Variants in MACROD2 observed in about 807,000 individuals in gnomAD.
MACROD2 encodes the protein mono-ADP ribosylhydrolase 2.
In MACROD2, 36 loss-of-function variants were observed where a neutral mutation model predicts 70.4. The observed-to-expected ratio is 0.51, with a 90% CI of 0.39 to 0.68. MACROD2 has a LOEUF of 0.68. Among genes scored for constraint, MACROD2 ranks in the 30% least tolerant of loss-of-function variants. The pLI is 0.00. For synonymous variants in MACROD2, 172 were observed against 178.8 expected, an observed-to-expected ratio of 0.96 and a Z score of 0.30; for missense variants, 496 against 538.4, an observed-to-expected ratio of 0.92 and a Z score of 0.78.
intron 3 of MACROD2, among the ~76,000 whole-genome samples, chr20:14,239,078 C>T (rs1026987462): frequency 3.0e-4 from 44 of 148,312 alleles, no homozygotes; most frequent in African/African-American, 8.4e-4. Flanking sequence ...TATACACCAG[C>T]AACATCCAAG....
intron 8 of MACROD2, among the ~76,000 whole-genome samples, chr20:15,794,487 T>A (rs780377334): frequency 3.9e-5 from 6 of 152,162 alleles, no homozygotes; most frequent in Non-Finnish European, 8.8e-5. Flanking sequence ...CAAAGCAAGC[T>A]GTAGTCAGGT....
chr20:14,307,566 A>C (rs979543363), intron 3 of MACROD2, among the ~76,000 whole-genome samples: 1 of 152,096 alleles, frequency 6.6e-6, no homozygotes, highest in Non-Finnish European at 1.5e-5. Context: ...GAGGTTAATA[A>C]GTTAATGTTT....
At chr20:15,147,396 A>G (rs948774581) in intron 5 of MACROD2, among the ~76,000 whole-genome samples, 2 of 151,456 alleles carry the variant, frequency 1.3e-5, no homozygotes, top group African/African-American at 4.9e-5. Flanking sequence ...CATAAAGGAA[A>G]GGAGAACTCT....
chr20:15,724,352 AG>A (rs1431983974), intron 8 of MACROD2, among the ~76,000 whole-genome samples: 1 of 152,196 alleles, frequency 6.6e-6, no homozygotes, highest in African/African-American at 2.4e-5. Flanking sequence ...GTCATACCCA[AG>A]GTCATCTATG....
chr20:15,940,042 G>C (rs6080033), intron 12 of MACROD2, among the ~76,000 whole-genome samples: 2,599 of 152,246 alleles, frequency 0.017, 45 homozygotes, highest in Non-Finnish European at 0.026. Flanking sequence ...GTGGTTTCTT[G>C]AGATGGAATC....
At chr20:14,026,815 A>G (rs542073248) in intron 2 of MACROD2, among the ~76,000 whole-genome samples, 18 of 152,162 alleles carry the variant, frequency 1.2e-4, no homozygotes, top group Non-Finnish European at 2.1e-4. Flanking sequence ...TCTGACAATT[A>G]TGTGTCTTGG....
At chr20:14,413,103 A>G (rs2122870841) in intron 3 of MACROD2, among the ~76,000 whole-genome samples, 1 of 151,838 alleles carries the variant, frequency 6.6e-6, no homozygotes, top group African/African-American at 2.4e-5. Flanking sequence ...CAGCTATACT[A>G]TTATTATTAT....
chr20:14,086,198 G>A (rs2054074831), intron 3 of MACROD2: 1 of 383,046 alleles, frequency 2.6e-6, no homozygotes, highest in Non-Finnish European at 5.2e-6. Context: ...TAGGGTTCCA[G>A]TTTTCATTTT....
At chr20:14,551,010 G>T (rs1978617018) in intron 4 of MACROD2, among the ~76,000 whole-genome samples, 1 of 151,920 alleles carries the variant, frequency 6.6e-6, no homozygotes, top group Non-Finnish European at 1.5e-5. Context: ...TTATGCAGAA[G>T]ATATTCAAGT....
At chr20:15,067,119 A>G (rs1464433532) in intron 5 of MACROD2, among the ~76,000 whole-genome samples, 7 of 152,172 alleles carry the variant, frequency 4.6e-5, no homozygotes, top group Non-Finnish European at 1.5e-5. Context: ...GATAATGTAG[A>G]GAAAGTTCAT....
intron 4 of MACROD2, among the ~76,000 whole-genome samples, chr20:14,587,648 AAC>A (rs1237650551): frequency 1.3e-5 from 2 of 152,054 alleles, no homozygotes; most frequent in South Asian, 2.1e-4. Context: ...ACATTTATAT[AAC>A]ACATATTAAT....
chr20:15,474,378 C>T (rs1600464238), intron 7 of MACROD2, among the ~76,000 whole-genome samples: 1 of 152,136 alleles, frequency 6.6e-6, no homozygotes, highest in African/African-American at 2.4e-5. Context: ...TCCCAACTAC[C>T]CACCTTGCAC....
At chr20:15,894,467 C>G (rs1208597998) in intron 10 of MACROD2, among the ~76,000 whole-genome samples, 1 of 152,188 alleles carries the variant, frequency 6.6e-6, no homozygotes, top group Non-Finnish European at 1.5e-5. Flanking sequence ...CTGCCCTGAT[C>G]AGCTTGTTAT....
chr20:14,163,355 C>CT (rs2055218964), intron 3 of MACROD2, among the ~76,000 whole-genome samples: 2 of 152,100 alleles, frequency 1.3e-5, no homozygotes, highest in South Asian at 4.1e-4. Flanking sequence ...TGATTAGATA[C>CT]TTTTTTCTTG....
At chr20:15,001,695 CTT>C in intron 5 of MACROD2, among the ~76,000 whole-genome samples, 1 of 151,478 alleles carries the variant, frequency 6.6e-6, no homozygotes, top group Admixed American at 6.6e-5. Flanking sequence ...AACATGTTAT[CTT>C]ATTTTTTGTT....
chr20:14,258,388 TA>T (rs1198233397), intron 3 of MACROD2, among the ~76,000 whole-genome samples: 6 of 129,394 alleles, frequency 4.6e-5, no homozygotes, highest in African/African-American at 6.6e-5. Context: ...CAACATCTAT[TA>T]TTTTTTTATT....
At chr20:15,282,710 G>C (rs959389910) in intron 6 of MACROD2, among the ~76,000 whole-genome samples, 5 of 152,150 alleles carry the variant, frequency 3.3e-5, no homozygotes, top group African/African-American at 9.7e-5. Context: ...TCTCTAGGAA[G>C]TTTCAAACTT....
intron 5 of MACROD2, among the ~76,000 whole-genome samples, chr20:15,068,547 T>C (rs186907527): frequency 5.3e-5 from 8 of 152,176 alleles, no homozygotes; most frequent in Admixed American, 5.2e-4. Flanking sequence ...CTCCTCATAG[T>C]GTTAGTTCAT....
chr20:15,296,191 G>C (rs2077586826), intron 6 of MACROD2, among the ~76,000 whole-genome samples: 1 of 152,172 alleles, frequency 6.6e-6, no homozygotes, highest in Non-Finnish European at 1.5e-5. Context: ...AGGAAGTGCA[G>C]AGAAGAGAGG....
Sources: gnomAD v4.1 joint callset for allele counts (sites outside exome capture counted in the v4.1 genomes callset) on GRCh38, gnomAD v4.1.1 for gene constraint, MANE v1.5 for transcripts, NCBI Gene and HGNC (gene_info 2026-07-23, HGNC 2026-07-21) for gene names.